The following USP5 variants were observed in gnomAD, a reference collection of about 807,000 sequenced individuals.
USP5 encodes the protein ubiquitin specific peptidase 5, also known as ubiquitin carboxyl-terminal hydrolase 5.
Under a neutral mutation model 102.5 loss-of-function variants are expected in USP5, and 24 were observed. The ratio of observed to expected loss-of-function variants is 0.23; its 90% CI spans 0.17 to 0.33. The LOEUF (loss-of-function observed/expected upper bound fraction) is 0.33, where lower values mean the gene tolerates loss of function less well. Ranked by LOEUF, USP5 falls within the 10% of genes least tolerant of loss-of-function variation. The probability of loss-of-function intolerance (pLI) is 1.00; values close to 1 mark genes in which losing one functional copy is unlikely to be tolerated. For synonymous variants in USP5, 460 were observed against 434.8 expected, an observed-to-expected ratio of 1.06 and a Z score of -0.72; for missense variants, 753 against 1,122.1, an observed-to-expected ratio of 0.67 and a Z score of 4.70.
chr12:6,865,242 A>G lies in USP5; in HGVS notation c.2477A>G (p.Glu826Gly). ...CACTACGTCTGCCACATCAAGAAAG[A>G]AGGCAGGTGAGTGCTGGCCACATGC... ...CGHYVCHIKKEGRWVIYNDQK... is the reference protein window; with the variant it reads ...CGHYVCHIKKGGRWVIYNDQK... The change falls in exon 19 of 20, where the codon GAA (glutamate) becomes GGA (glycine). Residue 826 changes from glutamate to glycine, a missense_variant. Glu to Gly is a moderately conservative substitution (Grantham distance 98). Around this residue, in one of 3 missense-constraint regions of USP5, gnomAD observed 33 missense variants for 75.3 expected, o/e 0.44. Transcript: ENST00000229268. 1 of 1,613,690 alleles carries G rather than the reference A, an allele frequency of 6.2e-7. No homozygotes were observed. Among genetic ancestry groups the G allele is most frequent in the Non-Finnish European group, 8.5e-7 (1 of 1,179,592 alleles).
chr12:6,857,857 T>A, intron 7 of USP5, 134 bp downstream of exon 7: 1 of 758,792 alleles, frequency 1.3e-6, no homozygotes, highest in Non-Finnish European at 2.1e-6. Flanking sequence ...AGGCTTCTTT[T>A]AAATATCTAA....
intron 18 of USP5, 141 bp from the exon 19 acceptor site, chr12:6,865,023 T>C (rs1299784156): frequency 9.8e-6 from 13 of 1,323,804 alleles, no homozygotes; most frequent in Non-Finnish European, 1.3e-5. Context: ...TTCTCTGACA[T>C]GGAGACAGGC....
intron 1 of USP5, among the ~76,000 whole-genome samples, chr12:6,852,915 C>T (rs1326039164): frequency 6.6e-6 from 1 of 150,710 alleles, no homozygotes; most frequent in African/African-American, 2.4e-5. Flanking sequence ...CCCACCCTTC[C>T]CCCCGCCCCC....
chr12:6,865,042 A>C, intron 18 of USP5, 122 bp from the exon 19 acceptor site: 1 of 1,287,878 alleles, frequency 7.8e-7, no homozygotes, highest in East Asian at 2.4e-5. Context: ...GCTCTGGCCC[A>C]GTACCTGCCT....
Position 6,860,288 on chromosome 12 carries a change from G to A in USP5, c.1218+50G>A. 6.2e-6 allele frequency: 10 copies of A among 1,611,330 alleles called. No homozygotes were observed. The highest frequency in any genetic ancestry group is 7.6e-6 in the Non-Finnish European group (9 of 1,177,940). The stretch of plus-strand genomic sequence containing the variant: ...CAGGCCCTGGGATTGTGGGGAAGCT[G>A]AGGTCTGGGAGATGTCTAAAGAAGG... On this transcript the variant is annotated intron_variant, in intron 10 of 19. Coordinates refer to ENST00000229268, the MANE Select transcript of USP5 (RefSeq NM_001098536.2). The surrounding 1 kb of genome is among the most constrained non-coding windows in gnomAD (Gnocchi z 5.5).
In USP5 at chr12:6,861,370, G is replaced by C; in HGVS notation, c.1499-73G>C. 5 of 1,484,922 alleles carry C rather than the reference G, an allele frequency of 3.4e-6. No individual in the cohort carries two copies. Among genetic ancestry groups the C allele is most frequent in the Non-Finnish European group, 3.6e-6 (4 of 1,104,118 alleles). 92.0% of individuals were successfully genotyped at this position (1,484,922 alleles called of 1,614,324 possible). On this transcript the variant is annotated intron_variant, in intron 12 of 19. Transcript: ENST00000229268. This position sits in a 1 kb window ranked among gnomAD's most constrained non-coding sequence, Gnocchi z 4.9. ...AGAGGAACTGAAATACGGACACAGA[G>C]CCAGTAGGGAGAGGCTAAGGAGGCA...
chr12:6,861,117 C>T lies in USP5; in HGVS notation c.1498+11C>T. 6.2e-7 allele frequency: 1 copy of T among 1,613,640 alleles called. No individual in the cohort carries two copies. The highest frequency in any genetic ancestry group is 8.5e-7 in the Non-Finnish European group (1 of 1,179,714). On this transcript the variant is annotated intron_variant, in intron 12 of 19. Transcript: ENST00000229268. The surrounding 1 kb of genome is among the most constrained non-coding windows in gnomAD (Gnocchi z 4.9). ...CAGCCCTTAACAAAGGTAGGCTGCT[C>T]CATCAGCAAGGCCGTGGCACGGTGG...
chr12:6,865,180 C>T lies in USP5; in HGVS notation c.2415C>T (p.Ala805=), dbSNP rs782100584. 1 of 1,613,790 alleles carries T rather than the reference C, an allele frequency of 6.2e-7. No individual in the cohort carries two copies. Among genetic ancestry groups the T allele is most frequent in the Non-Finnish European group, 8.5e-7 (1 of 1,179,686 alleles). Residue 805 remains alanine, a synonymous_variant, in exon 19 of 20, where the codon GCC becomes GCT. Coordinates refer to ENST00000229268, the MANE Select transcript of USP5 (RefSeq NM_001098536.2). ...CTTTCCTAGAGTATCAGCTCTTTGC[C>T]TTCATTAGTCACATGGGCACCTCTA... ...RDGPGKYQLF[A]FISHMGTSTM...
Position 6,856,548 on chromosome 12 carries a change from G to T in USP5, c.584+98G>T. On this transcript the variant is annotated intron_variant, in intron 5 of 19. Transcript: ENST00000229268. The surrounding 1 kb of genome is among the most constrained non-coding windows in gnomAD (Gnocchi z 5.6). The stretch of plus-strand genomic sequence containing the variant: ...TGGTGGGAGAGAGGGTAGGGAGCAG[G>T]ACAGGAAGGGAAGCTTGGAAATGAA... 6.5e-7 allele frequency: 1 copy of T among 1,547,852 alleles called. No homozygotes were observed. The highest frequency in any genetic ancestry group is 1.2e-5 in the South Asian group (1 of 81,120).
rs1555129052 is a variant in USP5 at position 6,859,538 on chromosome 12, A to G, written c.1127A>G (p.Gln376Arg). The change falls in exon 9 of 20, where the codon CAG (glutamine) becomes CGG (arginine). Residue 376 changes from glutamine to arginine, a missense_variant. Coordinates refer to ENST00000229268, the MANE Select transcript of USP5 (RefSeq NM_001098536.2). ...PTDPTQDFST[Q>R]VAKLGHGLLS... ...GACCCTACCCAGGATTTCAGCACCC[A>G]GGTGTATGTAACCAGGTCCTATGTA... 1 of 1,614,166 alleles carries G rather than the reference A, an allele frequency of 6.2e-7. No homozygotes were observed. The highest frequency in any genetic ancestry group is 1.7e-5 in the Admixed American group (1 of 60,028).
Position 6,860,750 on chromosome 12 carries a change from G to A in USP5, c.1345-203G>A, listed in dbSNP as rs116196909. Among the ~76,000 whole-genome samples, 53 of 152,300 alleles carry A rather than the reference G, an allele frequency of 3.5e-4. No individual in the cohort carries two copies. Among genetic ancestry groups the A allele is most frequent in the African/African-American group, 9.1e-4 (38 of 41,546 alleles). On this transcript the variant is annotated intron_variant, in intron 11 of 19. Coordinates refer to ENST00000229268, the MANE Select transcript of USP5 (RefSeq NM_001098536.2). This position sits in a 1 kb window ranked among gnomAD's most constrained non-coding sequence, Gnocchi z 5.5. ...GCTGCTTATAAAGAAAAATACAAGC[G>A]TGTTCTAACACAGTCCCTCAGTGCA...
At position 6,856,784 on chromosome 12, in the gene USP5, G is replaced by A. The variant is rs1591605930; in HGVS notation, c.662G>A (p.Arg221Gln). 5 of 1,614,134 alleles carry A rather than the reference G, an allele frequency of 3.1e-6. No homozygotes were observed. Among genetic ancestry groups the A allele is most frequent in the Non-Finnish European group, 3.4e-6 (4 of 1,180,018 alleles). The change falls in exon 6 of 20, where the codon CGA (arginine) becomes CAA (glutamine). Residue 221 changes from arginine (R) to glutamine (Q), a missense_variant. Coordinates refer to ENST00000229268, the MANE Select transcript of USP5 (RefSeq NM_001098536.2). This position sits in a 1 kb window ranked among gnomAD's most constrained non-coding sequence, Gnocchi z 5.6. ...ACTGATGGCTCCATCCTCTGTGGGC[G>A]ACGCTACTTCGATGGCAGTGGGGGC... ...NLTDGSILCG[R>Q]RYFDGSGGNN...
Position 6,861,119 on chromosome 12 carries a change from A to C in USP5, c.1498+13A>C, listed in dbSNP as rs377378758. 1.9e-6 allele frequency: 3 copies of C among 1,613,804 alleles called. No individual in the cohort carries two copies. In the South Asian group the frequency reaches 3.3e-5, roughly 18 times the overall value. Reference sequence around the variant, plus strand: ...GCCCTTAACAAAGGTAGGCTGCTCCATCAGCAAGGCCGTGGCACGGTGGGA... The same window carrying C: ...GCCCTTAACAAAGGTAGGCTGCTCCCTCAGCAAGGCCGTGGCACGGTGGGA... On this transcript the variant is annotated intron_variant, in intron 12 of 19. Coordinates refer to ENST00000229268, the MANE Select transcript of USP5 (RefSeq NM_001098536.2). The surrounding 1 kb of genome is among the most constrained non-coding windows in gnomAD (Gnocchi z 4.9).
In USP5 at chr12:6,860,429, T is replaced by C; in HGVS notation, c.1282T>C (p.Phe428Leu). ...CCTCATCGGCAAGGGCCACCCTGAA[T>C]TCTCCACCAACCGGCAGCAGGATGC... ...KALIGKGHPE[F>L]STNRQQDAQE... Residue 428 changes from phenylalanine to leucine, a missense_variant, in exon 11 of 20, where the codon TTC (phenylalanine) becomes CTC (leucine). Physicochemically the swap from Phe to Leu is conservative, Grantham distance 22. This residue lies in a region of USP5 where 527 missense variants were observed against 816.5 expected (regional missense o/e 0.65). Transcript: ENST00000229268. The surrounding 1 kb of genome is among the most constrained non-coding windows in gnomAD (Gnocchi z 5.5). 6.2e-7 allele frequency: 1 copy of C among 1,614,178 alleles called. No individual in the cohort carries two copies. Among genetic ancestry groups the C allele is most frequent in the Non-Finnish European group, 8.5e-7 (1 of 1,180,028 alleles).
rs781872446 is a variant in USP5 at position 6,857,705 on chromosome 12, C to T, written c.846C>T (p.Asp282=). The T allele has an allele frequency of 2.5e-6, 4 of 1,614,040 alleles. No homozygotes were observed. The Admixed American group carries it at 6.7e-5, about 27-fold the overall frequency. ...LAEHLSHFGI[D]MLKMQKTDKT... ...AGCACCTGTCCCACTTCGGCATCGACATGCTGAAGATGCAGAAGGTGAGAC... is the reference window on the plus strand; with the variant it reads ...AGCACCTGTCCCACTTCGGCATCGATATGCTGAAGATGCAGAAGGTGAGAC... Residue 282 remains aspartate, a synonymous_variant, in exon 7 of 20, where the codon GAC becomes GAT. Transcript: ENST00000229268.
chr12:6,855,904 G>T lies in USP5; in HGVS notation c.304+83G>T. The stretch of plus-strand genomic sequence containing the variant: ...GCACCAGGAAAGCCCCAAAGAGTGG[G>T]CCTGATTGATGGCCCTAGAACTCTG... On this transcript the variant is annotated intron_variant, in intron 3 of 19. Coordinates refer to ENST00000229268, the MANE Select transcript of USP5 (RefSeq NM_001098536.2). The surrounding 1 kb of genome is among the most constrained non-coding windows in gnomAD (Gnocchi z 4.6). 1 of 1,608,898 alleles carries T rather than the reference G, an allele frequency of 6.2e-7. No homozygotes were observed. The highest frequency in any genetic ancestry group is 1.7e-5 in the Admixed American group (1 of 59,820).
At position 6,863,310 on chromosome 12, in the gene USP5, T is replaced by G; in HGVS notation, c.1887T>G (p.Gly629=). Residue 629 remains glycine, a synonymous_variant, in exon 15 of 20, where the codon GGT becomes GGG. Coordinates refer to ENST00000229268, the MANE Select transcript of USP5 (RefSeq NM_001098536.2). The surrounding 1 kb of genome is among the most constrained non-coding windows in gnomAD (Gnocchi z 4.7). ...TGGTCACTCCGGATGAGCCCAAAGG[T>G]AGCCTTGGTTTCTATGGCAACGAAG... The part of the protein sequence containing the change: ...PPLVTPDEPK[G]SLGFYGNEDE... 1 of 1,614,098 alleles carries G rather than the reference T, an allele frequency of 6.2e-7. No homozygotes were observed. Among genetic ancestry groups the G allele is most frequent in the Non-Finnish European group, 8.5e-7 (1 of 1,180,004 alleles).
intron 8 of USP5, among the ~76,000 whole-genome samples, chr12:6,859,148 G>A (rs1352098277): frequency 2.0e-5 from 3 of 152,192 alleles, no homozygotes; most frequent in African/African-American, 7.2e-5. Context: ...GTTTACTTTC[G>A]AATTTGGGGA....
rs782289463 is a variant in USP5 at position 6,859,645 on chromosome 12, TTTTTG to T, written c.1130+124_1130+128del. 73 of 1,202,288 alleles carry T rather than the reference TTTTTG, an allele frequency of 6.1e-5. No individual in the cohort carries two copies. In the East Asian group the frequency reaches 6.4e-4, roughly 11 times the overall value. The allele number at this position is 1,202,288 out of a possible 1,614,324, so 74.5% of individuals were successfully genotyped here. A position where few individuals can be genotyped will look rare whatever the true frequency, so the allele number is the denominator to read the frequency against. On this transcript the variant is annotated intron_variant, in intron 9 of 19. Transcript: ENST00000229268. The stretch of plus-strand genomic sequence containing the variant: ...GCACAGCACTTTAACCCCTGGCCTT[TTTTTG>T]TTTTGTTTTGTTTTGTTTTTTGAGA...
Sources: allele counts gnomAD v4.1 joint callset (sites outside exome capture counted in the v4.1 genomes callset), GRCh38; gene constraint gnomAD v4.1.1; regional missense constraint gnomAD v4.1.1; non-coding constraint Gnocchi (gnomAD v3.1); transcripts MANE v1.5; gene names NCBI Gene and HGNC (gene_info 2026-07-23, HGNC 2026-07-21).